The following GRIA1 variants were observed in gnomAD, a reference collection of about 807,000 sequenced individuals.
The protein encoded by GRIA1 is glutamate ionotropic receptor AMPA type subunit 1, also known as glutamate receptor 1.
A neutral mutation model predicts 99.2 loss-of-function variants in GRIA1; 31 were observed. The observed-to-expected ratio is 0.31, with a 90% CI of 0.23 to 0.42. The LOEUF (loss-of-function observed/expected upper bound fraction) is 0.42, where lower values mean the gene tolerates loss of function less well. GRIA1 is among the 10% of genes least tolerant of loss of function. The probability of loss-of-function intolerance (pLI) is 1.00; values close to 1 mark genes in which losing one functional copy is unlikely to be tolerated. For synonymous variants in GRIA1, 438 were observed against 432.4 expected (o/e 1.01, Z -0.16); for missense variants, 782 against 1,157.5 (o/e 0.68, Z 4.71).
intron 14 of GRIA1, chr5:153,795,603 C>T: frequency 4.8e-6 from 7 of 1,454,962 alleles, no homozygotes; most frequent in Non-Finnish European, 6.8e-6. Flanking sequence ...CAGTCACCGG[C>T]TACAGAGGTC....
At chr5:153,490,663 C>T, upstream of GRIA1, 1 of 591,178 alleles carries the variant, frequency 1.7e-6, no homozygotes, top group Non-Finnish European at 3.0e-6. Context: ...CTTCTTTTCC[C>T]GTGCTCAGTT....
At chr5:153,706,128 G>GTTTTTTTTTTTTTTTT in intron 11 of GRIA1, 61 bp downstream of exon 11, 1 of 1,503,588 alleles carries the variant, frequency 6.7e-7, no homozygotes, top group African/African-American at 1.4e-5. Flanking sequence ...TTGTTTGTTT[G>GTTTTTTTTTTTTTTTT]TTTGTTTTTT....
rs2149487908 is a variant in GRIA1 at position 153,676,976 on chromosome 5, C to T, written c.862-18C>T. On this transcript the variant is annotated intron_variant, in intron 6 of 15. Transcript: ENST00000285900. ...TCAGCTCTCTTTGATACCTAACTGT[C>T]TCCATTCCTCCCACTAGTACACCTC... 7.3e-7 allele frequency: 1 copy of T among 1,377,534 alleles called. No homozygotes were observed. Among genetic ancestry groups the T allele is most frequent in the Non-Finnish European group, 9.5e-7 (1 of 1,053,448 alleles). 85.3% of individuals were successfully genotyped at this position (1,377,534 alleles called of 1,614,324 possible).
chr5:153,660,503 T>C (rs967629769), intron 5 of GRIA1, among the ~76,000 whole-genome samples: 4 of 152,142 alleles, frequency 2.6e-5, no homozygotes, highest in African/African-American at 9.7e-5. Flanking sequence ...TACCGTGCCA[T>C]GTGAGTGCTG....
chr5:153,562,285 G>A (rs1052150097), intron 2 of GRIA1, among the ~76,000 whole-genome samples: 22 of 152,240 alleles, frequency 1.4e-4, no homozygotes, highest in African/African-American at 5.1e-4. Context: ...TATGTCTGGG[G>A]TGCATATGAG....
intron 5 of GRIA1, among the ~76,000 whole-genome samples, chr5:153,667,159 A>T (rs1755807418): frequency 6.6e-6 from 1 of 152,172 alleles, no homozygotes. Flanking sequence ...TTTTTCTCTC[A>T]ACTTACCTCC....
At chr5:153,653,497 G>GGATTATTA (rs1754720146) in intron 4 of GRIA1, among the ~76,000 whole-genome samples, 2 of 152,148 alleles carry the variant, frequency 1.3e-5, no homozygotes. Flanking sequence ...GCAAGGAACA[G>GGATTATTA]GATTATTAGA....
intron 11 of GRIA1, among the ~76,000 whole-genome samples, chr5:153,716,734 T>C (rs1055484993): frequency 6.6e-6 from 1 of 152,188 alleles, no homozygotes; most frequent in Non-Finnish European, 1.5e-5. Context: ...GGAGAGGGCA[T>C]GTTGTTAACT....
chr5:153,772,978 TCCTGGAACAAGGTAACAACTCAGGAAATA>T (rs961935544), intron 13 of GRIA1, among the ~76,000 whole-genome samples: 1 of 152,176 alleles, frequency 6.6e-6, no homozygotes, highest in Non-Finnish European at 1.5e-5. Context: ...ACACATAGTT[TCCTGGAACAAGGTAACAACTCAGGAAATA>T]CTGTATATTT....
Position 153,606,561 on chromosome 5 carries a change from T to G in GRIA1, c.221-40367T>G, listed in dbSNP as rs563901496. Among the ~76,000 whole-genome samples, 4 of 151,876 alleles carry G rather than the reference T, an allele frequency of 2.6e-5. No individual in the cohort carries two copies. In the East Asian group the frequency reaches 7.7e-4, roughly 29 times the overall value. On this transcript the variant is annotated intron_variant, in intron 2 of 15. Coordinates refer to ENST00000285900, the MANE Select transcript of GRIA1 (RefSeq NM_000827.4). ...TATTGCTTCAATTATTAAGATCTTC[T>G]TTTATTTTTTTCAGTAATATTTTGT...
chr5:153,812,742 T>C lies in GRIA1; in HGVS notation c.*1517T>C, dbSNP rs192222477. The C allele has an allele frequency of 6.6e-6, 1 of 152,284 alleles. No individual in the cohort carries two copies. The highest frequency in any genetic ancestry group is 1.9e-4 in the East Asian group (1 of 5,188). 9.4% of individuals were successfully genotyped at this position (152,284 alleles called of 1,614,324 possible). A position where few individuals can be genotyped will look rare whatever the true frequency, so the allele number is the denominator to read the frequency against. On this transcript the variant is annotated 3_prime_UTR_variant, in exon 16 of 16. Coordinates refer to ENST00000285900, the MANE Select transcript of GRIA1 (RefSeq NM_000827.4). The stretch of plus-strand genomic sequence containing the variant: ...GAGAAGCCCAGGCTGAGTTCAGCTT[T>C]TGTTGGAAGTGAGAATCCCTGACAT...
chr5:153,630,926 G>C (rs1366448529), intron 2 of GRIA1, among the ~76,000 whole-genome samples: 3 of 152,184 alleles, frequency 2.0e-5, no homozygotes, highest in Admixed American at 6.5e-5. Flanking sequence ...ACTTGAGATA[G>C]AGAAACAAGT....
At chr5:153,583,970 A>C (rs1322051178) in intron 2 of GRIA1, among the ~76,000 whole-genome samples, 2 of 152,210 alleles carry the variant, frequency 1.3e-5, no homozygotes, top group Admixed American at 6.5e-5. Context: ...CTGGTCTCCA[A>C]GGACCAGCAT....
intron 2 of GRIA1, among the ~76,000 whole-genome samples, chr5:153,590,202 G>A (rs373145048): frequency 6.0e-5 from 9 of 150,948 alleles, no homozygotes; most frequent in African/African-American, 1.7e-4. Flanking sequence ...CCTTCAAAAA[G>A]CGTTCATAAA....
At chr5:153,603,254 A>T (rs1765150973) in intron 2 of GRIA1, among the ~76,000 whole-genome samples, 1 of 152,192 alleles carries the variant, frequency 6.6e-6, no homozygotes, top group Admixed American at 6.5e-5. Flanking sequence ...ACATGAACTC[A>T]TCATTTTTTA....
intron 11 of GRIA1, among the ~76,000 whole-genome samples, chr5:153,742,673 C>T (rs1418929750): frequency 5.3e-5 from 8 of 152,174 alleles, no homozygotes; most frequent in African/African-American, 1.2e-4. Flanking sequence ...AGAGGATACC[C>T]TTAGTCTTCG....
At chr5:153,513,459 A>G (rs1428001028) in intron 2 of GRIA1, among the ~76,000 whole-genome samples, 1 of 152,110 alleles carries the variant, frequency 6.6e-6, no homozygotes, top group Non-Finnish European at 1.5e-5. Context: ...TGCACGGGGT[A>G]TTTGGTGTTT....
At chr5:153,580,276 T>C (rs1206042273) in intron 2 of GRIA1, among the ~76,000 whole-genome samples, 1 of 152,224 alleles carries the variant, frequency 6.6e-6, no homozygotes, top group Non-Finnish European at 1.5e-5. Flanking sequence ...TCTGTGACCT[T>C]GGGTCTGACC....
intron 13 of GRIA1, among the ~76,000 whole-genome samples, chr5:153,789,725 C>T (rs2926838): frequency 0.3 from 45,727 of 151,918 alleles, 9,159 homozygotes; most frequent in East Asian, 0.91. Context: ...TATTATGGGC[C>T]CAGCATATGT....
Sources: gnomAD v4.1 joint callset for allele counts (sites outside exome capture counted in the v4.1 genomes callset) on GRCh38, gnomAD v4.1.1 for gene constraint, MANE v1.5 for transcripts, NCBI Gene and HGNC (gene_info 2026-07-23, HGNC 2026-07-21) for gene names.